The following UBE4B variants were observed in gnomAD, a reference collection of about 807,000 sequenced individuals.
UBE4B encodes ubiquitin conjugation factor E4 B.
In UBE4B, 27 loss-of-function variants were observed where a neutral mutation model predicts 148.1. The observed-to-expected ratio is 0.18, with a 90% CI of 0.13 to 0.25. The LOEUF (loss-of-function observed/expected upper bound fraction) is 0.25, where lower values mean the gene tolerates loss of function less well. Ranked by LOEUF, UBE4B falls within the 10% of genes least tolerant of loss-of-function variation. The pLI is 1.00. For missense variants in UBE4B, 1,170 were observed against 1,662.4 expected, an observed-to-expected ratio of 0.70 and a Z score of 5.15; for synonymous variants, 596 against 619.3, an observed-to-expected ratio of 0.96 and a Z score of 0.56.
intron 23 of UBE4B, among the ~76,000 whole-genome samples, chr1:10,167,835 C>T (rs1364989472): frequency 6.6e-6 from 1 of 152,110 alleles, no homozygotes; most frequent in African/African-American, 2.4e-5. Context: ...GTGATTCGCC[C>T]ACCTTGGCTT....
At chr1:10,072,327 T>C (rs887547786) in intron 2 of UBE4B, 113 bp downstream of exon 2, 1 of 1,266,628 alleles carries the variant, frequency 7.9e-7, no homozygotes, top group African/African-American at 1.5e-5. Flanking sequence ...ATCAGCTCTT[T>C]AAAATCCTCC....
At chr1:10,177,752 A>G (rs1252963276) in intron 25 of UBE4B, among the ~76,000 whole-genome samples, 1 of 152,030 alleles carries the variant, frequency 6.6e-6, no homozygotes, top group Non-Finnish European at 1.5e-5. Flanking sequence ...TATCATCACT[A>G]AGCAAGTGGC....
rs1204646466 is a variant in UBE4B at position 10,105,686 on chromosome 1, C to A, written c.751C>A (p.Pro251Thr). Reference protein sequence around the residue: ...RNLLLNTGSNPGTSPMFCSVA... With the variant: ...RNLLLNTGSNTGTSPMFCSVA... ...TCTCTTGCTAAACACTGGCTCCAATCCAGGAACAAGCCCCATGTTCTGCAG... is the reference window on the plus strand; with the variant it reads ...TCTCTTGCTAAACACTGGCTCCAATACAGGAACAAGCCCCATGTTCTGCAG... Residue 251 changes from proline (P) to threonine (T), a missense_variant, in exon 6 of 28, where the codon CCA becomes ACA. Transcript: ENST00000343090. The A allele has an allele frequency of 6.2e-7, 1 of 1,614,208 alleles. No individual in the cohort carries two copies. The highest frequency in any genetic ancestry group is 1.7e-5 in the Admixed American group (1 of 60,014).
chr1:10,099,381 A>C (rs1459361127), intron 3 of UBE4B, among the ~76,000 whole-genome samples: 1 of 152,224 alleles, frequency 6.6e-6, no homozygotes, highest in East Asian at 1.9e-4. Context: ...AAAAGGTGCC[A>C]TTCACAATTT....
chr1:10,098,096 C>CCT (rs1339622327), intron 3 of UBE4B, among the ~76,000 whole-genome samples: 1 of 152,038 alleles, frequency 6.6e-6, no homozygotes, highest in Non-Finnish European at 1.5e-5. Context: ...GCCTAAAACT[C>CCT]CTGACTTCAA....
chr1:10,130,263 C>T (rs1570945528), intron 12 of UBE4B, among the ~76,000 whole-genome samples: 2 of 151,606 alleles, frequency 1.3e-5, no homozygotes, highest in Middle Eastern at 3.5e-3. Context: ...TTAGTAGAGA[C>T]GGGGTTTCTC....
At chr1:10,041,448 C>A (rs1477091417) in intron 1 of UBE4B, among the ~76,000 whole-genome samples, 4 of 151,492 alleles carry the variant, frequency 2.6e-5, no homozygotes, top group Non-Finnish European at 5.9e-5. Flanking sequence ...AATTCTCCTG[C>A]CTAAGCCTCC....
In UBE4B at chr1:10,161,438, A is replaced by G; in HGVS notation, c.3198+152A>G. ...CCATGAAATCATATTGCAGGATTGG[A>G]ATAGGAAAATTCTTAAATACCTTAT... On this transcript the variant is annotated intron_variant, in intron 23 of 27. Coordinates refer to ENST00000343090, the MANE Select transcript of UBE4B (RefSeq NM_001105562.3). The surrounding 1 kb of genome is among the most constrained non-coding windows in gnomAD (Gnocchi z 4.1). The G allele has an allele frequency of 1.0e-6, 1 of 961,504 alleles. No individual in the cohort carries two copies. The highest frequency in any genetic ancestry group is 1.5e-6 in the Non-Finnish European group (1 of 678,340). 59.6% of individuals were successfully genotyped at this position (961,504 alleles called of 1,614,324 possible).
intron 12 of UBE4B, among the ~76,000 whole-genome samples, chr1:10,130,276 T>C (rs959870134): frequency 1.2e-4 from 19 of 152,100 alleles, no homozygotes; most frequent in Admixed American, 3.3e-4. Flanking sequence ...GGTTTCTCCA[T>C]GTTGGCCAGG....
intron 11 of UBE4B, among the ~76,000 whole-genome samples, chr1:10,127,916 T>G (rs1240752020): frequency 3.3e-5 from 5 of 152,226 alleles, no homozygotes. Flanking sequence ...AAACCTGTCA[T>G]GGCACTAAAA....
At chr1:10,081,025 T>G (rs183215154) in intron 2 of UBE4B, among the ~76,000 whole-genome samples, 35 of 152,316 alleles carry the variant, frequency 2.3e-4, no homozygotes, top group Non-Finnish European at 4.9e-4. Flanking sequence ...TAATAACGTT[T>G]TATATATTTT....
Position 10,179,880 on chromosome 1 carries a change from T to C in UBE4B, c.3848-15T>C. On this transcript the variant is annotated splice_polypyrimidine_tract_variant and intron_variant, in intron 27 of 27. Transcript: ENST00000343090. Reference sequence around the variant, plus strand: ...CCCATCTGGGGCATTAATCCTCCTTTTTTTCTTTTCTCAGTGCCAGAACTG... The same window carrying C: ...CCCATCTGGGGCATTAATCCTCCTTCTTTTCTTTTCTCAGTGCCAGAACTG... 6.2e-7 allele frequency: 1 copy of C among 1,613,540 alleles called. No homozygotes were observed.
At chr1:10,136,622 G>A (rs891483614) in intron 16 of UBE4B, among the ~76,000 whole-genome samples, 1 of 151,928 alleles carries the variant, frequency 6.6e-6, no homozygotes, top group Non-Finnish European at 1.5e-5. Context: ...AATTGCAAAA[G>A]TATCCTTAAA....
At chr1:10,142,660 G>A (rs1570968941) in intron 17 of UBE4B, among the ~76,000 whole-genome samples, 1 of 151,804 alleles carries the variant, frequency 6.6e-6, no homozygotes, top group East Asian at 1.9e-4. Flanking sequence ...GACAGAGCGA[G>A]ACTGTCTCAA....
chr1:10,108,349 A>G (rs1029480985), intron 7 of UBE4B, among the ~76,000 whole-genome samples: 2 of 152,068 alleles, frequency 1.3e-5, no homozygotes, highest in African/African-American at 4.8e-5. Flanking sequence ...GTGAAGCCAG[A>G]CCCCATTTGT....
chr1:10,179,639 G>C, intron 27 of UBE4B, 77 bp downstream of exon 27: 17 of 1,581,648 alleles, frequency 1.1e-5, no homozygotes, highest in Non-Finnish European at 1.5e-5. Flanking sequence ...TATTGGAGAT[G>C]AAGCAGAAGG....
At chr1:10,153,560 C>T (rs1646015736) in intron 21 of UBE4B, among the ~76,000 whole-genome samples, 2 of 144,148 alleles carry the variant, frequency 1.4e-5, no homozygotes, top group African/African-American at 5.1e-5. Context: ...GTAGCTTACA[C>T]TTGTAATCCC....
At chr1:10,117,368 G>A in intron 7 of UBE4B, 91 bp from the exon 8 acceptor site, 1 of 1,552,858 alleles carries the variant, frequency 6.4e-7, no homozygotes, top group Non-Finnish European at 8.8e-7. Context: ...TGTGTACAGG[G>A]ATCCTAACAG....
chr1:10,179,301 G>A (rs1646472145), intron 26 of UBE4B, 115 bp from the exon 27 acceptor site: 1 of 1,354,252 alleles, frequency 7.4e-7, no homozygotes, highest in South Asian at 1.4e-5. Context: ...GCCTCACAGG[G>A]GCCCTTTGAT....
Sources: gnomAD v4.1 joint callset for allele counts (sites outside exome capture counted in the v4.1 genomes callset) on GRCh38, gnomAD v4.1.1 for gene constraint, Gnocchi (gnomAD v3.1) non-coding constraint, MANE v1.5 for transcripts, NCBI Gene and HGNC (gene_info 2026-07-23, HGNC 2026-07-21) for gene names.